Variants in SMYD3 observed in about 807,000 individuals in gnomAD.
SMYD3 encodes SET and MYND domain containing 3, also known as histone-lysine N-methyltransferase SMYD3.
SMYD3 carries 36 observed loss-of-function variants against 57.7 expected under a neutral mutation model. That is an observed-to-expected ratio of 0.62 (90% confidence interval 0.48 to 0.82). SMYD3 has a LOEUF of 0.82. Among genes scored for constraint, SMYD3 ranks in the 40% least tolerant of loss-of-function variants. The probability of loss-of-function intolerance (pLI) is 0.00; values close to 1 mark genes in which losing one functional copy is unlikely to be tolerated. For synonymous variants in SMYD3, 211 were observed against 195.0 expected (o/e 1.08, Z -0.68); for missense variants, 515 against 538.8 (o/e 0.96, Z 0.44).
intron 10 of SMYD3, among the ~76,000 whole-genome samples, chr1:245,807,319 C>G (rs1163007220): frequency 6.6e-6 from 1 of 152,012 alleles, no homozygotes; most frequent in Non-Finnish European, 1.5e-5. Flanking sequence ...ATGATTACAG[C>G]TCTGCAATGC....
At chr1:245,996,612 C>G (rs1164633597) in intron 5 of SMYD3, among the ~76,000 whole-genome samples, 1 of 152,220 alleles carries the variant, frequency 6.6e-6, no homozygotes, top group Non-Finnish European at 1.5e-5. Flanking sequence ...TGAATGTTAA[C>G]TCACAGAAGA....
intron 1 of SMYD3, among the ~76,000 whole-genome samples, chr1:246,393,568 G>C (rs941835779): frequency 6.6e-6 from 1 of 150,412 alleles, no homozygotes; most frequent in East Asian, 2.0e-4. Context: ...GAATTGCCTA[G>C]TGGCTCATAC....
In SMYD3 at chr1:245,968,351, C is replaced by A. The variant is rs368436317; in HGVS notation, c.532-38414G>T. Among the ~76,000 whole-genome samples the A allele has an allele frequency of 5.9e-5, 9 of 152,240 alleles. 1 individual carries two copies. The highest frequency in any genetic ancestry group is 2.2e-4 in the African/African-American group (9 of 41,556). ...CCCTGACTAAGCTGCAGCGTTCTCA[C>A]CTCAGTGCCTTTGCCTAGGCTGTGT... On this transcript the variant is annotated intron_variant, in intron 5 of 11. Transcript: ENST00000490107.
chr1:245,946,585 C>T (rs1295254078), intron 5 of SMYD3, among the ~76,000 whole-genome samples: 7 of 152,232 alleles, frequency 4.6e-5, no homozygotes, highest in South Asian at 4.1e-4. Flanking sequence ...GATGTTCTCA[C>T]GCATCAAGGA....
At chr1:246,257,760 A>G (rs1259883680) in intron 5 of SMYD3, among the ~76,000 whole-genome samples, 1 of 152,140 alleles carries the variant, frequency 6.6e-6, no homozygotes, top group African/African-American at 2.4e-5. Context: ...AGCTGTTTCC[A>G]TATTTAGAAC....
intron 1 of SMYD3, among the ~76,000 whole-genome samples, chr1:246,413,547 G>A (rs1406479360): frequency 2.0e-5 from 3 of 152,158 alleles, no homozygotes; most frequent in Non-Finnish European, 4.4e-5. Flanking sequence ...CAGGGTTGGA[G>A]GTGGGGCCTG....
At chr1:246,471,269 G>A (rs893272997) in intron 1 of SMYD3, among the ~76,000 whole-genome samples, 3 of 152,036 alleles carry the variant, frequency 2.0e-5, no homozygotes, top group Non-Finnish European at 4.4e-5. Context: ...TATGATCATG[G>A]CTCACTGCAG....
At chr1:246,148,152 C>T (rs78865242) in intron 5 of SMYD3, among the ~76,000 whole-genome samples, 5,104 of 152,194 alleles carry the variant, frequency 0.034, 295 homozygotes, top group African/African-American at 0.12. Flanking sequence ...TGTGGTGCCT[C>T]GTCTGGGTGC....
intron 5 of SMYD3, among the ~76,000 whole-genome samples, chr1:246,117,814 T>TTA (rs2061365329): frequency 6.7e-6 from 1 of 149,412 alleles, no homozygotes; most frequent in Non-Finnish European, 1.5e-5. Flanking sequence ...CATAACTACT[T>TTA]TAAAAACTTG....
chr1:246,167,431 T>G (rs1475208145), intron 5 of SMYD3, among the ~76,000 whole-genome samples: 1 of 152,120 alleles, frequency 6.6e-6, no homozygotes, highest in Non-Finnish European at 1.5e-5. Context: ...TCCATTTTAC[T>G]GATCACGGCC....
intron 5 of SMYD3, among the ~76,000 whole-genome samples, chr1:246,148,429 G>A (rs564900020): frequency 6.6e-6 from 1 of 152,184 alleles, no homozygotes; most frequent in South Asian, 2.1e-4. Flanking sequence ...TACCCACAGT[G>A]GGCTTCCTCT....
At chr1:246,324,658 T>C (rs1408569965) in intron 5 of SMYD3, among the ~76,000 whole-genome samples, 2 of 151,892 alleles carry the variant, frequency 1.3e-5, no homozygotes, top group Non-Finnish European at 2.9e-5. Context: ...TTCCACAGCC[T>C]AATGAACTGA....
intron 5 of SMYD3, among the ~76,000 whole-genome samples, chr1:246,047,874 T>G (rs1243814926): frequency 3.3e-5 from 5 of 151,970 alleles, no homozygotes; most frequent in African/African-American, 1.2e-4. Context: ...AATAATTATA[T>G]AGCTTTGATA....
chr1:245,852,346 A>C lies in SMYD3; in HGVS notation c.1076+6150T>G, dbSNP rs183980969. 4.1e-3 allele frequency among the ~76,000 whole-genome samples: 626 copies of C among 152,200 alleles called. 4 individuals carry two copies. The highest frequency in any genetic ancestry group is 4.7e-3 in the Non-Finnish European group (318 of 68,004). On this transcript the variant is annotated intron_variant, in intron 10 of 11. Transcript: ENST00000490107. ...AACCAGTAGGTTCAGTGCTGGAACC[A>C]CTCCACAAAGCTGGGCAATGAAGGT... is the stretch of plus-strand genomic sequence containing the variant.
At chr1:246,231,385 A>G (rs1255905189) in intron 5 of SMYD3, among the ~76,000 whole-genome samples, 1 of 152,210 alleles carries the variant, frequency 6.6e-6, no homozygotes, top group East Asian at 1.9e-4. Flanking sequence ...AAATAAGTAA[A>G]TATATATCCC....
chr1:245,930,174 A>G lies in SMYD3; in HGVS notation c.532-237T>C. The stretch of plus-strand genomic sequence containing the variant: ...CCAACCTCCTGGGAGAAAAAAAAAA[A>G]AAACAGACGGAAACCAGCAGAGGAA... On this transcript the variant is annotated intron_variant, in intron 5 of 11. Transcript: ENST00000490107. 3.6e-6 allele frequency: 2 copies of G among 555,034 alleles called. 1 individual carries two copies. The highest frequency in any genetic ancestry group is 6.7e-6 in the Non-Finnish European group (2 of 300,220). The allele number at this position is 555,034 out of a possible 1,614,324, so 34.4% of individuals were successfully genotyped here.
intron 5 of SMYD3, among the ~76,000 whole-genome samples, chr1:246,010,968 G>A (rs546822335): frequency 6.6e-6 from 1 of 152,328 alleles, no homozygotes; most frequent in South Asian, 2.1e-4. Flanking sequence ...TGCTTCCAGA[G>A]TCACAGGGTT....
intron 5 of SMYD3, among the ~76,000 whole-genome samples, chr1:246,159,483 T>C (rs79701631): frequency 0.037 from 5,670 of 152,108 alleles, 172 homozygotes; most frequent in Middle Eastern, 0.068. Flanking sequence ...TTACATCTGC[T>C]CTAAACTGTC....
At chr1:246,313,488 T>G (rs2065111869) in intron 5 of SMYD3, among the ~76,000 whole-genome samples, 1 of 152,214 alleles carries the variant, frequency 6.6e-6, no homozygotes. Context: ...TAAGGATATT[T>G]TTAATTCTGA....
Sources: gnomAD v4.1 joint callset for allele counts (sites outside exome capture counted in the v4.1 genomes callset) on GRCh38, gnomAD v4.1.1 for gene constraint, MANE v1.5 for transcripts, NCBI Gene and HGNC (gene_info 2026-07-23, HGNC 2026-07-21) for gene names.